The following SUSD4 variants were observed in gnomAD, a reference collection of about 807,000 sequenced individuals.
SUSD4 encodes the protein sushi domain-containing protein 4.
In SUSD4, 41 loss-of-function variants were observed where a neutral mutation model predicts 50.5. The observed-to-expected ratio is 0.81, with a 90% CI of 0.63 to 1.05. The LOEUF (loss-of-function observed/expected upper bound fraction) is 1.05, where lower values mean the gene tolerates loss of function less well. SUSD4 is among the 50% of genes least tolerant of loss of function. The pLI is 0.00. For missense variants in SUSD4, 580 were observed against 634.7 expected, an observed-to-expected ratio of 0.91 and a Z score of 0.93; for synonymous variants, 257 against 257.3, an observed-to-expected ratio of 1.00 and a Z score of 0.01.
At chr1:223,222,568 A>T (rs1659200825) in intron 8 of SUSD4, among the ~76,000 whole-genome samples, 1 of 152,360 alleles carries the variant, frequency 6.6e-6, no homozygotes, top group South Asian at 2.1e-4. Flanking sequence ...GTGGCCCAGG[A>T]GACCTCTGTT....
At chr1:223,253,631 A>T (rs1171257098) in intron 5 of SUSD4, among the ~76,000 whole-genome samples, 1 of 152,194 alleles carries the variant, frequency 6.6e-6, no homozygotes, top group Non-Finnish European at 1.5e-5. Flanking sequence ...AGCCTGAAAA[A>T]GGCCCCTGAA....
intron 3 of SUSD4, among the ~76,000 whole-genome samples, chr1:223,276,358 G>A (rs1349716065): frequency 6.6e-6 from 1 of 152,218 alleles, no homozygotes; most frequent in Non-Finnish European, 1.5e-5. Flanking sequence ...TGTACAGAAA[G>A]AGTGAGGTCT....
At chr1:223,331,491 G>A (rs1322529636) in intron 2 of SUSD4, among the ~76,000 whole-genome samples, 2 of 152,188 alleles carry the variant, frequency 1.3e-5, no homozygotes, top group East Asian at 1.9e-4. Flanking sequence ...TTGGGGTTGA[G>A]CACAACTAAA....
At chr1:223,238,580 T>C (rs1660371515) in intron 5 of SUSD4, among the ~76,000 whole-genome samples, 1 of 152,058 alleles carries the variant, frequency 6.6e-6, no homozygotes, top group East Asian at 1.9e-4. Flanking sequence ...TTAAAATTTT[T>C]CCAGAGATTT....
At chr1:223,317,653 T>C (rs1045362392) in intron 2 of SUSD4, among the ~76,000 whole-genome samples, 1 of 152,118 alleles carries the variant, frequency 6.6e-6, no homozygotes, top group Non-Finnish European at 1.5e-5. Context: ...CTCAAGAAAC[T>C]TGGGTAAATG....
Position 223,309,004 on chromosome 1 carries a change from G to T in SUSD4, c.149-16353C>A, listed in dbSNP as rs377611470. On this transcript the variant is annotated intron_variant, in intron 2 of 8. Transcript: ENST00000366878. ...ATGACGATATGAACTCATCCAAAAA[G>T]ACTTGTATAGAGTATGTCATTCTCT... is the stretch of plus-strand genomic sequence containing the variant. Among the ~76,000 whole-genome samples, 19 of 152,194 alleles carry T rather than the reference G, an allele frequency of 1.2e-4. 2 individuals carry two copies. The highest frequency in any genetic ancestry group is 1.1e-3 in the Admixed American group (17 of 15,284).
At chr1:223,320,209 ACTTTTACCTCCT>A (rs1234793123) in intron 2 of SUSD4, among the ~76,000 whole-genome samples, 1 of 152,200 alleles carries the variant, frequency 6.6e-6, no homozygotes, top group Non-Finnish European at 1.5e-5. Context: ...AGAAAAAGCA[ACTTTTACCTCCT>A]CTCTCTCTGT....
chr1:223,340,838 C>T (rs2103299135), intron 2 of SUSD4, among the ~76,000 whole-genome samples: 1 of 152,318 alleles, frequency 6.6e-6, no homozygotes, highest in Non-Finnish European at 1.5e-5. Flanking sequence ...TCTTAAATCT[C>T]TATTGTTTCA....
intron 5 of SUSD4, among the ~76,000 whole-genome samples, chr1:223,246,096 C>T (rs1305264442): frequency 6.6e-6 from 1 of 152,072 alleles, no homozygotes; most frequent in Non-Finnish European, 1.5e-5. Context: ...ACTGCACGCA[C>T]TCACATAAGG....
At chr1:223,299,092 C>A (rs923141895) in intron 2 of SUSD4, among the ~76,000 whole-genome samples, 1 of 152,198 alleles carries the variant, frequency 6.6e-6, no homozygotes, top group African/African-American at 2.4e-5. Flanking sequence ...CCTGCCAGAG[C>A]TTTAAATTCT....
At chr1:223,355,014 G>A (rs1481870680) in intron 2 of SUSD4, among the ~76,000 whole-genome samples, 1 of 151,770 alleles carries the variant, frequency 6.6e-6, no homozygotes, top group South Asian at 2.1e-4. Flanking sequence ...CTGGAGGGCA[G>A]TGGCTTGATT....
intron 2 of SUSD4, among the ~76,000 whole-genome samples, chr1:223,347,181 A>G (rs1668080419): frequency 6.6e-6 from 1 of 152,158 alleles, no homozygotes; most frequent in Non-Finnish European, 1.5e-5. Context: ...CCCTTCAAGC[A>G]TTTATCCTTT....
chr1:223,274,607 C>G (rs1413022500), intron 3 of SUSD4, among the ~76,000 whole-genome samples: 1 of 152,134 alleles, frequency 6.6e-6, no homozygotes, highest in Non-Finnish European at 1.5e-5. Flanking sequence ...GTGTCTTTGT[C>G]TGGTGCATAG....
At chr1:223,248,898 G>A (rs1421818931) in intron 5 of SUSD4, among the ~76,000 whole-genome samples, 7 of 152,094 alleles carry the variant, frequency 4.6e-5, no homozygotes, top group South Asian at 2.1e-4. Context: ...GCCTAGTTTC[G>A]AAGCCACAAG....
chr1:223,292,382 T>C, intron 3 of SUSD4, 57 bp downstream of exon 3: 1 of 1,592,180 alleles, frequency 6.3e-7, no homozygotes, highest in Non-Finnish European at 8.6e-7. Flanking sequence ...CCTGCACCCC[T>C]GTGGCCATGC....
rs1210989214 is a variant in SUSD4 at position 223,221,105 on chromosome 1, T to C, written c.*1087A>G. 5.2e-5 allele frequency: 21 copies of C among 400,724 alleles called. No individual in the cohort carries two copies. The highest frequency in any genetic ancestry group is 8.8e-5 in the Non-Finnish European group (20 of 226,260). 24.8% of individuals were successfully genotyped at this position (400,724 alleles called of 1,614,324 possible). On this transcript the variant is annotated 3_prime_UTR_variant, in exon 9 of 9. Coordinates refer to ENST00000366878, the MANE Select transcript of SUSD4 (RefSeq NM_017982.4). ...CCTCAAAGTAGGAATGCAGGAATGA[T>C]AGGCAGGTGAGGTGGCTGAGCTATC...
At position 223,261,116 on chromosome 1, in the gene SUSD4, C is replaced by T. The variant is rs117866296; in HGVS notation, c.724+3514G>A. Among the ~76,000 whole-genome samples the T allele has an allele frequency of 3.4e-4, 52 of 152,214 alleles. No individual in the cohort carries two copies. In the East Asian group the frequency reaches 7.9e-3, roughly 23 times the overall value. ...TGGCTGAAGTGGGGTTCCATGGCCACGTGGGAGACTAACGGGCATTGTGGG... is the reference window on the plus strand; with the variant it reads ...TGGCTGAAGTGGGGTTCCATGGCCATGTGGGAGACTAACGGGCATTGTGGG... On this transcript the variant is annotated intron_variant, in intron 5 of 8. Coordinates refer to ENST00000366878, the MANE Select transcript of SUSD4 (RefSeq NM_017982.4).
At chr1:223,360,982 G>A (rs1668945060) in intron 2 of SUSD4, among the ~76,000 whole-genome samples, 1 of 152,182 alleles carries the variant, frequency 6.6e-6, no homozygotes, top group Admixed American at 6.5e-5. Flanking sequence ...TCTCAAGCAT[G>A]GCTAATCAAA....
intron 5 of SUSD4, among the ~76,000 whole-genome samples, chr1:223,252,276 C>G (rs1475870492): frequency 6.8e-6 from 1 of 146,858 alleles, no homozygotes; most frequent in African/African-American, 2.5e-5. Context: ...AGGCGAGACA[C>G]ACAGAGGGAA....
Sources: gnomAD v4.1 joint callset for allele counts (sites outside exome capture counted in the v4.1 genomes callset) on GRCh38, gnomAD v4.1.1 for gene constraint, MANE v1.5 for transcripts, NCBI Gene and HGNC (gene_info 2026-07-23, HGNC 2026-07-21) for gene names.